The following EDA variants were observed in gnomAD, a reference collection of about 807,000 sequenced individuals.
EDA encodes the protein ectodysplasin A, also known as ectodysplasin-A.
In EDA, 2 loss-of-function variants were observed where a neutral mutation model predicts 23.6. That is an observed-to-expected ratio of 0.08 (90% CI 0.03 to 0.27). EDA has a LOEUF of 0.27. Ranked by LOEUF, EDA falls within the 10% of genes least tolerant of loss-of-function variation. EDA has a pLI of 1.00. For missense variants in EDA, 229 were observed against 324.2 expected (o/e 0.71, Z 2.26); for synonymous variants, 131 against 132.0 (o/e 0.99, Z 0.05).
chrX:69,711,324 TGCATCCCA>T (rs1466651560), intron 1 of EDA, among the ~76,000 whole-genome samples: 9 of 111,708 alleles, frequency 8.1e-5, no homozygotes, highest in Non-Finnish European at 1.5e-4. Flanking sequence ...GAACCAGCCT[TGCATCCCA>T]GGGATGAAGC....
intron 1 of EDA, among the ~76,000 whole-genome samples, chrX:69,622,086 C>T (rs1303182465): frequency 2.7e-5 from 3 of 111,305 alleles, no homozygotes; most frequent in Non-Finnish European, 3.8e-5. Flanking sequence ...TATATTATTT[C>T]GTTGCTCGAA....
chrX:69,616,557 C>T lies in EDA; in HGVS notation c.249C>T (p.Thr83=), dbSNP rs769141538. The change falls in exon 1 of 8, where the codon ACC becomes ACT. Residue 83 remains threonine (T), a synonymous_variant. Transcript: ENST00000374552. Reference sequence around the variant, plus strand: ...AGTCCCGCCTTGGCGGCTCGGGCACCCCTGGCACCTCTGGCACCCTAAGCA... The same window carrying T: ...AGTCCCGCCTTGGCGGCTCGGGCACTCCTGGCACCTCTGGCACCCTAAGCA... ...GAESRLGGSG[T]PGTSGTLSSL... 8.3e-7 allele frequency: 1 copy of T among 1,211,732 alleles called. No individual in the cohort carries two copies. Among genetic ancestry groups the T allele is most frequent in the South Asian group, 1.8e-5 (1 of 56,941 alleles).
intron 1 of EDA, among the ~76,000 whole-genome samples, chrX:69,730,524 TATA>T (rs2012982173): frequency 8.9e-6 from 1 of 112,163 alleles, no homozygotes; most frequent in Admixed American, 9.5e-5. Context: ...GAGGTAGAAG[TATA>T]ATGTTCTTGC....
chrX:69,686,295 C>G (rs7060921), intron 1 of EDA, among the ~76,000 whole-genome samples: 2 of 112,359 alleles, frequency 1.8e-5, no homozygotes, highest in African/African-American at 6.5e-5. Context: ...CCGCGCCCAG[C>G]CTGAAATGGC....
At chrX:69,923,547 A>G (rs953974717) in intron 1 of EDA, among the ~76,000 whole-genome samples, 7 of 111,786 alleles carry the variant, frequency 6.3e-5, no homozygotes, top group African/African-American at 2.3e-4. Context: ...ATTGATAGGC[A>G]TTTGGGTTGG....
rs1270411320 is a variant in EDA at position 69,959,434 on chromosome X, A to G, written c.502+2302A>G. 4.5e-5 allele frequency among the ~76,000 whole-genome samples: 5 copies of G among 112,092 alleles called. No homozygotes were observed. In the East Asian group the frequency reaches 1.1e-3, roughly 25 times the overall value. ...TGTGGCAGATGCTCCAATGAGTTAA[A>G]GAGTGGTAAGTCAATCCAAATCTCC... On this transcript the variant is annotated intron_variant, in intron 2 of 7. Coordinates refer to ENST00000374552, the MANE Select transcript of EDA (RefSeq NM_001399.5).
At chrX:69,701,615 C>T (rs1029494291) in intron 1 of EDA, among the ~76,000 whole-genome samples, 4 of 111,699 alleles carry the variant, frequency 3.6e-5, no homozygotes, top group East Asian at 2.8e-4. Flanking sequence ...CTGAAGCTTG[C>T]GCCAGATATC....
intron 1 of EDA, among the ~76,000 whole-genome samples, chrX:69,827,704 A>G (rs2016489615): frequency 8.9e-6 from 1 of 112,200 alleles, no homozygotes; most frequent in African/African-American, 3.2e-5. Flanking sequence ...TCAGCTCGTC[A>G]AAGTCATTCA....
intron 2 of EDA, among the ~76,000 whole-genome samples, chrX:70,019,063 A>G (rs2019994281): frequency 1.8e-5 from 2 of 112,489 alleles, no homozygotes; most frequent in Non-Finnish European, 3.8e-5. Flanking sequence ...AAAAGAAGAC[A>G]TATACATGAG....
At chrX:69,648,264 T>G (rs1932984929) in intron 1 of EDA, among the ~76,000 whole-genome samples, 2 of 111,761 alleles carry the variant, frequency 1.8e-5, no homozygotes, top group African/African-American at 6.5e-5. Flanking sequence ...CCAAACCACC[T>G]GTATTCTTAA....
intron 1 of EDA, among the ~76,000 whole-genome samples, chrX:69,865,453 C>T (rs1407745437): frequency 1.8e-5 from 2 of 110,987 alleles, no homozygotes; most frequent in African/African-American, 3.3e-5. Flanking sequence ...GCATCCAGCA[C>T]GAGAGAAAGA....
intron 1 of EDA, among the ~76,000 whole-genome samples, chrX:69,743,797 A>G (rs2013533371): frequency 8.9e-6 from 1 of 111,944 alleles, no homozygotes; most frequent in South Asian, 3.8e-4. Context: ...GCCTGTTTCT[A>G]TTTATAAAGA....
chrX:69,934,750 A>G (rs893365319), intron 1 of EDA, among the ~76,000 whole-genome samples: 1 of 111,866 alleles, frequency 8.9e-6, no homozygotes, highest in Non-Finnish European at 1.9e-5. Flanking sequence ...CACTTCAAGC[A>G]TGTATCCCTT....
chrX:69,904,769 T>G (rs1056813904), intron 1 of EDA, among the ~76,000 whole-genome samples: 1 of 112,240 alleles, frequency 8.9e-6, no homozygotes, highest in Non-Finnish European at 1.9e-5. Flanking sequence ...TGAGTGAGAA[T>G]GTGCAATGTT....
chrX:69,762,074 AC>A (rs1182110493), intron 1 of EDA, among the ~76,000 whole-genome samples: 1 of 111,796 alleles, frequency 8.9e-6, no homozygotes, highest in African/African-American at 3.3e-5. Flanking sequence ...TGGATAAGTT[AC>A]CTAGAAAAGT....
intron 1 of EDA, among the ~76,000 whole-genome samples, chrX:69,685,760 C>T (rs1057459615): frequency 9.0e-6 from 1 of 111,641 alleles, no homozygotes; most frequent in African/African-American, 3.3e-5. Context: ...GAGTTGTTAA[C>T]CTCTACAAAC....
intron 1 of EDA, among the ~76,000 whole-genome samples, chrX:69,912,646 G>A (rs778755145): frequency 9.0e-6 from 1 of 111,198 alleles, no homozygotes; most frequent in South Asian, 3.8e-4. Flanking sequence ...TGAGCAGTAG[G>A]TCTCAATACT....
chrX:69,640,183 C>A (rs1056617180), intron 1 of EDA, among the ~76,000 whole-genome samples: 1 of 111,360 alleles, frequency 9.0e-6, no homozygotes, highest in Non-Finnish European at 1.9e-5. Flanking sequence ...ATGATAACTC[C>A]CATGATAGAA....
intron 1 of EDA, among the ~76,000 whole-genome samples, chrX:69,694,730 CTT>C (rs1320681407): frequency 7.5e-4 from 83 of 111,249 alleles, no homozygotes; most frequent in Non-Finnish European, 3.6e-4. Context: ...AGAATTATGA[CTT>C]ATCATTATAC....
Sources: gnomAD v4.1 joint callset for allele counts (sites outside exome capture counted in the v4.1 genomes callset) on GRCh38, gnomAD v4.1.1 for gene constraint, MANE v1.5 for transcripts, NCBI Gene and HGNC (gene_info 2026-07-23, HGNC 2026-07-21) for gene names.